Variants in CNTNAP5 observed in about 807,000 individuals in gnomAD.
The protein encoded by CNTNAP5 is contactin-associated protein-like 5.
In CNTNAP5, 72 loss-of-function variants were observed where a neutral mutation model predicts 150.2. The ratio of observed to expected loss-of-function variants is 0.48; its 90% CI spans 0.40 to 0.58. The LOEUF (loss-of-function observed/expected upper bound fraction) is 0.58, where lower values mean the gene tolerates loss of function less well. Ranked by LOEUF, CNTNAP5 falls within the 20% of genes least tolerant of loss-of-function variation. The pLI is 0.00. For missense variants in CNTNAP5, 1,636 were observed against 1,626.2 expected, an observed-to-expected ratio of 1.01 and a Z score of -0.10; for synonymous variants, 672 against 619.8, an observed-to-expected ratio of 1.08 and a Z score of -1.25.
intron 17 of CNTNAP5, among the ~76,000 whole-genome samples, chr2:124,775,312 C>A (rs1022888320): frequency 6.6e-6 from 1 of 152,038 alleles, no homozygotes. Flanking sequence ...CCAAAATGAA[C>A]AATTGCATTC....
At chr2:124,311,592 C>T (rs970538016) in intron 3 of CNTNAP5, among the ~76,000 whole-genome samples, 2 of 152,158 alleles carry the variant, frequency 1.3e-5, no homozygotes, top group African/African-American at 4.8e-5. Flanking sequence ...CTAAGGTTTC[C>T]ATTCAATTTG....
intron 11 of CNTNAP5, among the ~76,000 whole-genome samples, chr2:124,593,116 T>C (rs13004011): frequency 8.4e-6 from 1 of 119,504 alleles, no homozygotes; most frequent in Non-Finnish European, 1.8e-5. Context: ...TATTTATTTA[T>C]TTATTTATTT....
intron 3 of CNTNAP5, among the ~76,000 whole-genome samples, chr2:124,362,214 C>T (rs914962866): frequency 7.2e-5 from 11 of 152,340 alleles, no homozygotes; most frequent in Middle Eastern, 3.4e-3. Context: ...CTGTCTGGCA[C>T]TCCCTAGTGA....
Position 124,449,887 on chromosome 2 carries a change from T to A in CNTNAP5, c.918+2950T>A, listed in dbSNP as rs867222181. Among the ~76,000 whole-genome samples the A allele has an allele frequency of 2.6e-5, 4 of 152,240 alleles. No individual in the cohort carries two copies. In the South Asian group the frequency reaches 8.3e-4, roughly 32 times the overall value. On this transcript the variant is annotated intron_variant, in intron 6 of 23. Transcript: ENST00000682447. ...TTGAAGATTCACCCCAAAGTCTGTG[T>A]GGAGATGAAAGAACACTGGTGCAGA...
chr2:124,074,118 T>C (rs542895914), intron 1 of CNTNAP5, among the ~76,000 whole-genome samples: 6 of 152,068 alleles, frequency 3.9e-5, no homozygotes, highest in Non-Finnish European at 8.8e-5. Flanking sequence ...TTTTCACTTA[T>C]CTGTGGGAGC....
At chr2:124,748,937 G>A (rs1390066023) in intron 14 of CNTNAP5, among the ~76,000 whole-genome samples, 4 of 152,142 alleles carry the variant, frequency 2.6e-5, no homozygotes, top group African/African-American at 4.8e-5. Context: ...ATCCTGCAGC[G>A]AATTCTATCT....
chr2:124,073,660 T>A (rs1403744711), intron 1 of CNTNAP5, among the ~76,000 whole-genome samples: 1 of 151,278 alleles, frequency 6.6e-6, no homozygotes, highest in African/African-American at 2.4e-5. Flanking sequence ...CCAGTTAAAA[T>A]TGCTTTTATC....
chr2:124,317,490 C>A (rs1021928929), intron 3 of CNTNAP5, among the ~76,000 whole-genome samples: 1 of 152,104 alleles, frequency 6.6e-6, no homozygotes, highest in East Asian at 1.9e-4. Flanking sequence ...CCCATCTAGG[C>A]CCTGTCCAAC....
intron 13 of CNTNAP5, among the ~76,000 whole-genome samples, chr2:124,672,993 C>T (rs7568347): frequency 0.25 from 38,007 of 151,674 alleles, 5,133 homozygotes; most frequent in African/African-American, 0.36. Context: ...AAATAGAAAA[C>T]AGAAAAAATA....
At chr2:124,050,544 G>C (rs781095063) in intron 1 of CNTNAP5, among the ~76,000 whole-genome samples, 1 of 152,052 alleles carries the variant, frequency 6.6e-6, no homozygotes, top group Non-Finnish European at 1.5e-5. Context: ...GTCGGGATAA[G>C]GGGCATATCT....
At position 124,857,235 on chromosome 2, in the gene CNTNAP5, C is replaced by T. The variant is rs190339357; in HGVS notation, c.3218-8071C>T. 2.3e-3 allele frequency among the ~76,000 whole-genome samples: 348 copies of T among 152,092 alleles called. 2 individuals are homozygous for T. Among genetic ancestry groups the T allele is most frequent in the African/African-American group, 7.8e-3 (322 of 41,474 alleles). ...CTTTTCTGTACTAGCCTTCACTGTC[C>T]GCATCATTTGAATACAGTGTTGCAA... On this transcript the variant is annotated intron_variant, in intron 19 of 23. Transcript: ENST00000682447.
At chr2:124,343,057 C>A (rs908839868) in intron 3 of CNTNAP5, among the ~76,000 whole-genome samples, 1 of 152,076 alleles carries the variant, frequency 6.6e-6, no homozygotes, top group African/African-American at 2.4e-5. Context: ...CTACAAAAAG[C>A]TTTCAGAAAA....
At chr2:124,222,522 T>C (rs1261641300) in intron 2 of CNTNAP5, among the ~76,000 whole-genome samples, 1 of 152,138 alleles carries the variant, frequency 6.6e-6, no homozygotes, top group Non-Finnish European at 1.5e-5. Context: ...TATCTGATAG[T>C]ATCTTAATAT....
At chr2:124,673,760 G>A (rs1346913043) in intron 13 of CNTNAP5, among the ~76,000 whole-genome samples, 12 of 135,296 alleles carry the variant, frequency 8.9e-5, no homozygotes, top group African/African-American at 2.9e-4. Flanking sequence ...GAGTCCTACA[G>A]CATTAAAAAA....
chr2:124,130,857 T>C (rs1385248408), intron 1 of CNTNAP5, among the ~76,000 whole-genome samples: 1 of 152,212 alleles, frequency 6.6e-6, no homozygotes, highest in Non-Finnish European at 1.5e-5. Flanking sequence ...CATTCAGACA[T>C]TGAATGAATA....
intron 16 of CNTNAP5, among the ~76,000 whole-genome samples, chr2:124,766,404 C>CA (rs58567330): frequency 0.15 from 18,357 of 124,882 alleles, 1,203 homozygotes; most frequent in African/African-American, 0.2. Flanking sequence ...GAAAAGGAGA[C>CA]AAAAAAAAAA....
chr2:124,461,976 TAAAA>T (rs1197815844), intron 6 of CNTNAP5, among the ~76,000 whole-genome samples: 1 of 150,570 alleles, frequency 6.6e-6, no homozygotes, highest in Non-Finnish European at 1.5e-5. Context: ...AGAAAAAAAA[TAAAA>T]TAAAAATAAA....
intron 1 of CNTNAP5, among the ~76,000 whole-genome samples, chr2:124,197,936 G>A (rs1329170132): frequency 6.6e-6 from 1 of 151,408 alleles, no homozygotes; most frequent in Non-Finnish European, 1.5e-5. Context: ...AGCTGAGATC[G>A]CGCCACTGCA....
chr2:124,339,076 T>G (rs1689544889), intron 3 of CNTNAP5, among the ~76,000 whole-genome samples: 1 of 152,158 alleles, frequency 6.6e-6, no homozygotes, highest in Non-Finnish European at 1.5e-5. Context: ...GCTGAGTGCC[T>G]TATGTTTTCT....
Sources: allele counts gnomAD v4.1 joint callset (sites outside exome capture counted in the v4.1 genomes callset), GRCh38; gene constraint gnomAD v4.1.1; transcripts MANE v1.5; gene names NCBI Gene and HGNC (gene_info 2026-07-23, HGNC 2026-07-21).